The following FAF1 variants were observed in gnomAD, a reference collection of about 807,000 sequenced individuals.
The protein encoded by FAF1 is FAS-associated factor 1.
Under a neutral mutation model 92.5 loss-of-function variants are expected in FAF1, and 25 were observed. The ratio of observed to expected loss-of-function variants is 0.27; its 90% CI spans 0.20 to 0.38. The LOEUF is 0.38. FAF1 is among the 10% of genes least tolerant of loss of function. The pLI is 1.00. For synonymous variants in FAF1, 234 were observed against 273.2 expected (o/e 0.86, Z 1.42); for missense variants, 636 against 793.3 (o/e 0.80, Z 2.38).
chr1:50,538,832 T>C (rs762630428), intron 14 of FAF1, among the ~76,000 whole-genome samples: 7 of 152,186 alleles, frequency 4.6e-5, no homozygotes, highest in Non-Finnish European at 1.0e-4. Flanking sequence ...TGGTTTTATT[T>C]GGGTTTTAAA....
At chr1:50,795,641 T>C (rs1162099837) in intron 3 of FAF1, among the ~76,000 whole-genome samples, 1 of 152,146 alleles carries the variant, frequency 6.6e-6, no homozygotes, top group African/African-American at 2.4e-5. Flanking sequence ...AAAACACATG[T>C]ATGGGAATTA....
At chr1:50,798,415 C>T (rs1321014708) in intron 3 of FAF1, among the ~76,000 whole-genome samples, 1 of 152,190 alleles carries the variant, frequency 6.6e-6, no homozygotes. Context: ...GAAAACATAG[C>T]ATCAGCTCTC....
chr1:50,726,710 T>C (rs1254311314), intron 6 of FAF1, among the ~76,000 whole-genome samples: 1 of 152,146 alleles, frequency 6.6e-6, no homozygotes, highest in Non-Finnish European at 1.5e-5. Context: ...GCACCTGTAG[T>C]CCCAGCTACT....
At chr1:50,682,210 A>G (rs1401753736) in intron 7 of FAF1, among the ~76,000 whole-genome samples, 1 of 152,058 alleles carries the variant, frequency 6.6e-6, no homozygotes, top group Non-Finnish European at 1.5e-5. Flanking sequence ...TACCTAATTA[A>G]AACTGTGAGG....
At chr1:50,765,927 C>T (rs1033813490) in intron 4 of FAF1, among the ~76,000 whole-genome samples, 2 of 152,098 alleles carry the variant, frequency 1.3e-5, no homozygotes, top group African/African-American at 4.8e-5. Context: ...CCCGTCTCTA[C>T]TAAAAACACA....
At chr1:50,608,098 ATATTTATACCTGCT>A (rs1331377810) in intron 8 of FAF1, among the ~76,000 whole-genome samples, 1 of 152,240 alleles carries the variant, frequency 6.6e-6, no homozygotes, top group Admixed American at 6.5e-5. Context: ...TTCTGCAGTC[ATATTTATACCTGCT>A]TTTAATTACA....
chr1:50,524,639 G>C (rs1647697212), intron 15 of FAF1, among the ~76,000 whole-genome samples: 1 of 152,136 alleles, frequency 6.6e-6, no homozygotes, highest in African/African-American at 2.4e-5. Context: ...TATTGAATAG[G>C]GAGTCCTTAA....
chr1:50,689,769 G>A (rs192414004), intron 7 of FAF1, among the ~76,000 whole-genome samples: 4 of 152,140 alleles, frequency 2.6e-5, no homozygotes, highest in African/African-American at 9.6e-5. Flanking sequence ...AATAAAATAC[G>A]GATTACATGT....
At chr1:50,582,132 G>A (rs1211897791) in intron 12 of FAF1, among the ~76,000 whole-genome samples, 1 of 152,040 alleles carries the variant, frequency 6.6e-6, no homozygotes, top group East Asian at 1.9e-4. Context: ...ATCATTTTGG[G>A]AAAAGACTAA....
chr1:50,533,789 C>T (rs1365502460), intron 15 of FAF1, among the ~76,000 whole-genome samples: 1 of 152,120 alleles, frequency 6.6e-6, no homozygotes, highest in Non-Finnish European at 1.5e-5. Context: ...GTGAACATAA[C>T]ATCTCAAATT....
intron 4 of FAF1, among the ~76,000 whole-genome samples, chr1:50,749,193 A>G (rs935484226): frequency 3.3e-5 from 5 of 152,304 alleles, no homozygotes; most frequent in Non-Finnish European, 5.9e-5. Flanking sequence ...GCTGAGGTTG[A>G]TATTTCTAGA....
chr1:50,548,533 T>A (rs1262565690), intron 13 of FAF1, among the ~76,000 whole-genome samples: 1 of 152,224 alleles, frequency 6.6e-6, no homozygotes, highest in Non-Finnish European at 1.5e-5. Flanking sequence ...CAACTACTTT[T>A]GAAATCAGTT....
At chr1:50,865,287 TC>T (rs1408484468) in intron 1 of FAF1, among the ~76,000 whole-genome samples, 1 of 152,036 alleles carries the variant, frequency 6.6e-6, no homozygotes, top group Non-Finnish European at 1.5e-5. Flanking sequence ...TGGCGATTCC[TC>T]AGGGATCTAG....
At chr1:50,805,032 T>C (rs1662138343) in intron 2 of FAF1, among the ~76,000 whole-genome samples, 1 of 152,198 alleles carries the variant, frequency 6.6e-6, no homozygotes, top group African/African-American at 2.4e-5. Flanking sequence ...ATACTAACTA[T>C]CTCATTGCTT....
At chr1:50,709,363 T>C (rs1220853900) in intron 6 of FAF1, among the ~76,000 whole-genome samples, 1 of 152,190 alleles carries the variant, frequency 6.6e-6, no homozygotes, top group Non-Finnish European at 1.5e-5. Context: ...CTAGACTATA[T>C]ATGTTTTTAT....
chr1:50,627,698 G>C (rs755802630), intron 8 of FAF1, among the ~76,000 whole-genome samples: 6 of 152,094 alleles, frequency 3.9e-5, no homozygotes, highest in Non-Finnish European at 8.8e-5. Flanking sequence ...GGGAATGTGA[G>C]GGGGGGCTTC....
intron 7 of FAF1, among the ~76,000 whole-genome samples, chr1:50,655,855 A>G (rs976380698): frequency 9.9e-5 from 15 of 152,200 alleles, no homozygotes; most frequent in Non-Finnish European, 1.3e-4. Context: ...ATACATTTTT[A>G]TAATTTATTT....
At chr1:50,504,751 C>T (rs749787989) in intron 15 of FAF1, among the ~76,000 whole-genome samples, 1 of 152,140 alleles carries the variant, frequency 6.6e-6, no homozygotes, top group Non-Finnish European at 1.5e-5. Flanking sequence ...AGAATACCAG[C>T]CCTGATTCTT....
chr1:50,873,944 T>C (rs1644549233), intron 1 of FAF1, among the ~76,000 whole-genome samples: 1 of 152,158 alleles, frequency 6.6e-6, no homozygotes, highest in Non-Finnish European at 1.5e-5. Flanking sequence ...TCTCCAGGCA[T>C]AAGACCAGTC....
Sources: allele counts gnomAD v4.1 joint callset (sites outside exome capture counted in the v4.1 genomes callset), GRCh38; gene constraint gnomAD v4.1.1; transcripts MANE v1.5; gene names NCBI Gene and HGNC (gene_info 2026-07-23, HGNC 2026-07-21).